Variants in SLC18A1 observed in about 807,000 individuals in gnomAD.
SLC18A1 encodes chromaffin granule amine transporter.
SLC18A1 carries 69 observed loss-of-function variants against 53.7 expected under a neutral mutation model. That is an observed-to-expected ratio of 1.28 (90% CI 1.06 to 1.57). The LOEUF is 1.57. Among genes scored for constraint, SLC18A1 ranks in the 40% most tolerant of loss-of-function variants. SLC18A1 has a pLI of 0.00. For missense variants in SLC18A1, 932 were observed against 668.1 expected, an observed-to-expected ratio of 1.40 and a Z score of -4.35; for synonymous variants, 320 against 248.1, an observed-to-expected ratio of 1.29 and a Z score of -2.72.
At position 20,173,748 on chromosome 8, in the gene SLC18A1, G is replaced by C. The variant is rs114477767; in HGVS notation, c.631+613C>G. On this transcript the variant is annotated intron_variant, in intron 5 of 15. Transcript: ENST00000276373. ...AGAGGGGGACAGAAAAAGGACCATA[G>C]AGTGGCACTAAATGAAAGCCTGCCC... is the stretch of plus-strand genomic sequence containing the variant. Among the ~76,000 whole-genome samples the C allele has an allele frequency of 5.2e-3, 785 of 152,282 alleles. 9 individuals carry two copies. Among genetic ancestry groups the C allele is most frequent in the African/African-American group, 0.018 (743 of 41,554 alleles).
intron 3 of SLC18A1, 97 bp from the exon 4 acceptor site, chr8:20,178,590 A>G: frequency 2.4e-6 from 2 of 846,442 alleles, no homozygotes; most frequent in Non-Finnish European, 1.9e-6. Context: ...AAATGCAGCT[A>G]TTTGGGTGTA....
At chr8:20,165,257 G>A in intron 8 of SLC18A1, 150 bp from the exon 9 acceptor site, 1 of 697,342 alleles carries the variant, frequency 1.4e-6, no homozygotes, top group South Asian at 1.9e-5. Flanking sequence ...TACAGGGAGA[G>A]AAAGTGACTT....
chr8:20,171,822 G>A (rs2072128832), intron 6 of SLC18A1, among the ~76,000 whole-genome samples: 1 of 152,198 alleles, frequency 6.6e-6, no homozygotes, highest in Non-Finnish European at 1.5e-5. Flanking sequence ...CAATGTCTCA[G>A]GAATTTCAGG....
In SLC18A1 at chr8:20,180,895, G is replaced by A; in HGVS notation, c.70C>T (p.Leu24=). ...AGCAAAGCGACGAATACCACCACCA[G>A]CACCAGCTGCCGGGACGCTCTCCCC... ...KEGRASRQLV[L]VVVFVALLLD... is the part of the protein sequence containing the mutation. The change falls in exon 2 of 16, where the codon CTG becomes TTG. Residue 24 remains leucine, a synonymous_variant. Coordinates refer to ENST00000276373, the MANE Select transcript of SLC18A1 (RefSeq NM_003053.4). 1.9e-6 allele frequency: 3 copies of A among 1,613,510 alleles called. No homozygotes were observed. The highest frequency in any genetic ancestry group is 2.5e-6 in the Non-Finnish European group (3 of 1,179,720).
At chr8:20,170,057 G>T (rs550748903) in intron 8 of SLC18A1, among the ~76,000 whole-genome samples, 3 of 152,144 alleles carry the variant, frequency 2.0e-5, no homozygotes, top group Non-Finnish European at 2.9e-5. Context: ...TGCCAGGCCT[G>T]GGAGCCTGTG....
chr8:20,147,678 C>A lies in SLC18A1; in HGVS notation c.1255G>T (p.Asp419Tyr). The A allele has an allele frequency of 6.2e-7, 1 of 1,613,926 alleles. No homozygotes were observed. The highest frequency in any genetic ancestry group is 8.5e-7 in the Non-Finnish European group (1 of 1,179,938). ...SMMPIMGHLVDLRHTSVYGSV... is the reference protein window; with the variant it reads ...SMMPIMGHLVYLRHTSVYGSV... ...CCATACACCGAGGTGTGGCGTAGAT[C>A]CACCAGGTGCCCCATGATGGGCATC... Residue 419 changes from aspartate to tyrosine, a missense_variant, in exon 14 of 16, where the codon GAT becomes TAT. Coordinates refer to ENST00000276373, the MANE Select transcript of SLC18A1 (RefSeq NM_003053.4).
At chr8:20,158,518 A>C (rs993418128) in intron 10 of SLC18A1, among the ~76,000 whole-genome samples, 9 of 152,216 alleles carry the variant, frequency 5.9e-5, no homozygotes, top group Admixed American at 5.2e-4. Context: ...CGTCCCGTTC[A>C]AGTTAAACTA....
At chr8:20,168,039 G>A (rs933398057) in intron 8 of SLC18A1, among the ~76,000 whole-genome samples, 19 of 152,036 alleles carry the variant, frequency 1.2e-4, no homozygotes, top group African/African-American at 3.6e-4. Context: ...TTTTTGTATC[G>A]AAAAGTAAAA....
At chr8:20,177,556 T>G (rs1238988961) in intron 4 of SLC18A1, among the ~76,000 whole-genome samples, 3 of 152,238 alleles carry the variant, frequency 2.0e-5, no homozygotes, top group South Asian at 4.1e-4. Flanking sequence ...AGTTAATGGG[T>G]GCAGTACTCC....
intron 1 of SLC18A1, 38 bp from the exon 2 acceptor site, chr8:20,181,125 G>A: frequency 1.5e-6 from 1 of 687,556 alleles, no homozygotes. Context: ...GCAAGTAGTA[G>A]GATGATATTT....
At chr8:20,156,441 C>T (rs567486297) in intron 10 of SLC18A1, among the ~76,000 whole-genome samples, 31 of 152,186 alleles carry the variant, frequency 2.0e-4, no homozygotes, top group South Asian at 1.0e-3. Flanking sequence ...GGAGGTACCC[C>T]CTTAAGGACA....
chr8:20,172,926 T>G, intron 6 of SLC18A1, 110 bp downstream of exon 6: 1 of 750,418 alleles, frequency 1.3e-6, no homozygotes, highest in East Asian at 2.7e-5. Flanking sequence ...GGAGTTGAAA[T>G]AGGATGAGGC....
At chr8:20,151,675 G>C (rs2071558910) in intron 10 of SLC18A1, among the ~76,000 whole-genome samples, 1 of 152,178 alleles carries the variant, frequency 6.6e-6, no homozygotes, top group South Asian at 2.1e-4. Flanking sequence ...AGAGGGAAGT[G>C]TTCAGGAAAC....
intron 12 of SLC18A1, among the ~76,000 whole-genome samples, chr8:20,148,959 A>G (rs1236996134): frequency 6.6e-6 from 1 of 152,102 alleles, no homozygotes; most frequent in East Asian, 1.9e-4. Context: ...CACGGAGATG[A>G]AGTAACCTGC....
rs182383815 is a variant in SLC18A1 at position 20,178,837 on chromosome 8, C to T, written c.488+284G>A. Among the ~76,000 whole-genome samples the T allele has an allele frequency of 1.4e-4, 22 of 152,318 alleles. No homozygotes were observed. In the East Asian group the frequency reaches 3.5e-3, roughly 24 times the overall value. On this transcript the variant is annotated intron_variant, in intron 3 of 15. Transcript: ENST00000276373. ...GACTGTCCCATTCATACCCTTTTCC[C>T]ATTCAAGCCATGCTCCAGGTCACTG...
At chr8:20,166,957 G>T (rs2071983385) in intron 8 of SLC18A1, among the ~76,000 whole-genome samples, 1 of 152,136 alleles carries the variant, frequency 6.6e-6, no homozygotes, top group Non-Finnish European at 1.5e-5. Context: ...CAGGAAGAGA[G>T]GCCTCACCAG....
chr8:20,149,091 T>G (rs901497048), intron 12 of SLC18A1, among the ~76,000 whole-genome samples: 2 of 152,118 alleles, frequency 1.3e-5, no homozygotes, highest in Non-Finnish European at 2.9e-5. Flanking sequence ...TGTTCTTCTC[T>G]CCCTCAGGCC....
intron 3 of SLC18A1, 25 bp downstream of exon 3, chr8:20,179,096 C>G (rs780170876): frequency 2.5e-6 from 4 of 1,594,452 alleles, no homozygotes; most frequent in Non-Finnish European, 3.4e-6. Flanking sequence ...GTGTACCCTG[C>G]GGGGCACTGC....
chr8:20,171,593 C>CT, intron 6 of SLC18A1, 99 bp from the exon 7 acceptor site: 1 of 913,806 alleles, frequency 1.1e-6, no homozygotes, highest in Non-Finnish European at 1.8e-6. Flanking sequence ...AGAAGGCCTG[C>CT]TAGGGGCTAA....
Sources: gnomAD v4.1 joint callset for allele counts (sites outside exome capture counted in the v4.1 genomes callset) on GRCh38, gnomAD v4.1.1 for gene constraint, MANE v1.5 for transcripts, NCBI Gene and HGNC (gene_info 2026-07-23, HGNC 2026-07-21) for gene names.